The following ATL2 variants were observed in gnomAD, a reference collection of about 807,000 sequenced individuals.
The protein encoded by ATL2 is atlastin-2.
Under a neutral mutation model 73.9 loss-of-function variants are expected in ATL2, and 31 were observed. The ratio of observed to expected loss-of-function variants is 0.42; its 90% CI spans 0.32 to 0.57. The LOEUF is 0.57. Ranked by LOEUF, ATL2 falls within the 20% of genes least tolerant of loss-of-function variation. ATL2 has a pLI of 0.14. For missense variants in ATL2, 738 were observed against 702.6 expected (o/e 1.05, Z -0.57); for synonymous variants, 291 against 237.5 (o/e 1.23, Z -2.07).
chr2:38,328,656 A>C (rs1434243015), intron 2 of ATL2, among the ~76,000 whole-genome samples: 5 of 150,120 alleles, frequency 3.3e-5, no homozygotes, highest in African/African-American at 7.3e-5. Context: ...CTACCTATTA[A>C]AATATATGAA....
At chr2:38,376,746 G>A in intron 1 of ATL2, among the ~76,000 whole-genome samples, 1 of 151,914 alleles carries the variant, frequency 6.6e-6, no homozygotes, top group Non-Finnish European at 1.5e-5. Context: ...GCCCCGCCGC[G>A]TCCGGAGCTC....
At chr2:38,349,890 A>T (rs577508884) in intron 1 of ATL2, among the ~76,000 whole-genome samples, 93 of 152,284 alleles carry the variant, frequency 6.1e-4, no homozygotes, top group Non-Finnish European at 1.1e-3. Context: ...TAGATTTCAA[A>T]AGTATAATGG....
At chr2:38,298,618 A>C (rs1667029595) in intron 11 of ATL2, 43 bp from the exon 12 acceptor site, 5 of 1,554,594 alleles carry the variant, frequency 3.2e-6, no homozygotes, top group Non-Finnish European at 4.3e-6. Flanking sequence ...GAAATAATTA[A>C]CACTTGAAAG....
At chr2:38,319,666 AT>A (rs1183607729) in intron 2 of ATL2, among the ~76,000 whole-genome samples, 1 of 152,152 alleles carries the variant, frequency 6.6e-6, no homozygotes, top group Non-Finnish European at 1.5e-5. Flanking sequence ...GTTAAAAATC[AT>A]AAAAAACTCG....
chr2:38,353,539 T>C (rs750400778), intron 1 of ATL2, among the ~76,000 whole-genome samples: 4 of 152,088 alleles, frequency 2.6e-5, no homozygotes, highest in African/African-American at 7.2e-5. Flanking sequence ...GAAGAAGCAA[T>C]AGTCATAATG....
chr2:38,366,756 G>A (rs889084465), intron 1 of ATL2, among the ~76,000 whole-genome samples: 1 of 152,104 alleles, frequency 6.6e-6, no homozygotes, highest in Non-Finnish European at 1.5e-5. Flanking sequence ...ATTATTTTTT[G>A]TAGGTATTCA....
chr2:38,317,818 T>G (rs551889268), intron 4 of ATL2, among the ~76,000 whole-genome samples: 1 of 150,936 alleles, frequency 6.6e-6, no homozygotes, highest in Non-Finnish European at 1.5e-5. Context: ...AAAAAGTATG[T>G]ATTCCATAAT....
At chr2:38,359,677 C>T (rs1670891765) in intron 1 of ATL2, 1 of 151,662 alleles carries the variant, frequency 6.6e-6, no homozygotes, top group Non-Finnish European at 1.5e-5. Context: ...AACACTAAGG[C>T]AAAAAATACT....
chr2:38,359,478 A>AAG (rs1670879597), intron 1 of ATL2: 1 of 111,604 alleles, frequency 9.0e-6, no homozygotes, highest in African/African-American at 7.0e-5. Flanking sequence ...ACTCCATCTC[A>AAG]AAAAAAAAAA....
At position 38,322,684 on chromosome 2, in the gene ATL2, A is replaced by G. The variant is rs967233164; in HGVS notation, c.364-3665T>C. 1.7e-4 allele frequency among the ~76,000 whole-genome samples: 26 copies of G among 151,982 alleles called. 1 individual carries two copies. Among genetic ancestry groups the G allele is most frequent in the African/African-American group, 6.1e-4 (25 of 41,264 alleles). On this transcript the variant is annotated intron_variant, in intron 2 of 12. Coordinates refer to ENST00000378954, the MANE Select transcript of ATL2 (RefSeq NM_001135673.4). ...CTTCCTAGGTTACCTTGTAATGGAA[A>G]TGTTTAAAAAAAAATACTAAACTGA...
intron 9 of ATL2, among the ~76,000 whole-genome samples, chr2:38,301,171 C>T (rs1231527391): frequency 2.6e-5 from 4 of 152,044 alleles, no homozygotes; most frequent in African/African-American, 9.7e-5. Context: ...GGTTTCACCA[C>T]GTTGGCCAGG....
chr2:38,377,442 C>T (rs1434618530), upstream of ATL2, among the ~76,000 whole-genome samples: 1 of 150,766 alleles, frequency 6.6e-6, no homozygotes, highest in South Asian at 2.1e-4. Context: ...TCCGCCCCCG[C>T]CCCGCCCATC....
chr2:38,350,556 C>T (rs56199840), intron 1 of ATL2, among the ~76,000 whole-genome samples: 1 of 152,024 alleles, frequency 6.6e-6, no homozygotes, highest in Admixed American at 6.6e-5. Flanking sequence ...ATGAAAAAAA[C>T]CATTGAATAT....
intron 1 of ATL2, among the ~76,000 whole-genome samples, chr2:38,370,998 A>T (rs1462230502): frequency 2.0e-5 from 3 of 151,814 alleles, no homozygotes; most frequent in African/African-American, 7.3e-5. Flanking sequence ...AAAAGATAAA[A>T]AAGATTAGGA....
chr2:38,370,448 CAAAAAAAAAAAAAAAAAA>C (rs55964015), intron 1 of ATL2, among the ~76,000 whole-genome samples: 4 of 55,212 alleles, frequency 7.2e-5, no homozygotes, highest in Admixed American at 3.2e-4. Context: ...GACTCTGTCC[CAAAAAAAAAAAAAAAAAA>C]AAAAAAAAAA....
chr2:38,299,000 C>T (rs567159570), intron 11 of ATL2, among the ~76,000 whole-genome samples: 2 of 152,156 alleles, frequency 1.3e-5, no homozygotes, highest in Admixed American at 6.5e-5. Context: ...AATAACAGCA[C>T]TCTGAATCAC....
intron 1 of ATL2, among the ~76,000 whole-genome samples, chr2:38,344,119 CA>C: frequency 6.6e-6 from 1 of 152,190 alleles, no homozygotes; most frequent in East Asian, 1.9e-4. Context: ...GTCTTAACTT[CA>C]TTGAGAATGT....
At position 38,354,164 on chromosome 2, in the gene ATL2, G is replaced by C. The variant is rs901634337; in HGVS notation, c.119-10652C>G. On this transcript the variant is annotated intron_variant, in intron 1 of 12. Coordinates refer to ENST00000378954, the MANE Select transcript of ATL2 (RefSeq NM_001135673.4). Reference sequence around the variant, plus strand: ...TCGTGCCACTGCACTCCAACCTGGCGACAGAGCAAGACTCTGTCTCAAAAA... The same window carrying C: ...TCGTGCCACTGCACTCCAACCTGGCCACAGAGCAAGACTCTGTCTCAAAAA... 3 of 421,452 alleles carry C rather than the reference G, an allele frequency of 7.1e-6. No homozygotes were observed. The African/African-American group carries it at 7.6e-5, about 11-fold the overall frequency. 26.1% of individuals were successfully genotyped at this position (421,452 alleles called of 1,614,324 possible). A position where few individuals can be genotyped will look rare whatever the true frequency, so the allele number is the denominator to read the frequency against.
intron 9 of ATL2, among the ~76,000 whole-genome samples, chr2:38,303,204 CTTTT>C (rs1667273801): frequency 6.6e-6 from 1 of 152,028 alleles, no homozygotes; most frequent in Non-Finnish European, 1.5e-5. Flanking sequence ...ATCCAAACCT[CTTTT>C]TTATTTTATT....
Sources: gnomAD v4.1 joint callset for allele counts (sites outside exome capture counted in the v4.1 genomes callset) on GRCh38, gnomAD v4.1.1 for gene constraint, MANE v1.5 for transcripts, NCBI Gene and HGNC (gene_info 2026-07-23, HGNC 2026-07-21) for gene names.